Variants in GNAQ observed in about 807,000 individuals in gnomAD.
GNAQ encodes guanine nucleotide-binding protein G(q) subunit alpha.
A neutral mutation model predicts 43.9 loss-of-function variants in GNAQ; 8 were observed. The observed-to-expected ratio is 0.18, with a 90% CI of 0.11 to 0.33. The LOEUF is 0.33. Among genes scored for constraint, GNAQ ranks in the 10% least tolerant of loss-of-function variants. The pLI is 1.00. For synonymous variants in GNAQ, 155 were observed against 170.7 expected, an observed-to-expected ratio of 0.91 and a Z score of 0.71; for missense variants, 158 against 450.8, an observed-to-expected ratio of 0.35 and a Z score of 5.88.
chr9:77,886,664 T>C (rs952909597), intron 2 of GNAQ, among the ~76,000 whole-genome samples: 3 of 152,292 alleles, frequency 2.0e-5, no homozygotes, highest in South Asian at 2.1e-4. Context: ...ATAAACTTTA[T>C]TGTGAACTGA....
At chr9:78,005,075 A>T (rs775311351) in intron 1 of GNAQ, among the ~76,000 whole-genome samples, 1 of 152,182 alleles carries the variant, frequency 6.6e-6, no homozygotes, top group Non-Finnish European at 1.5e-5. Context: ...TTTCTGAGAC[A>T]GGCTCTTGCT....
intron 2 of GNAQ, among the ~76,000 whole-genome samples, chr9:77,899,679 GGAAAGACAGCAGAGGTCAGAGGC>G (rs1254926133): frequency 3.9e-5 from 6 of 152,126 alleles, no homozygotes; most frequent in Non-Finnish European, 5.9e-5. Flanking sequence ...CAGTGCAGGA[GGAAAGACAGCAGAGGTCAGAGGC>G]GAAAGACAGC....
chr9:78,026,293 C>G (rs1045268441), intron 1 of GNAQ, among the ~76,000 whole-genome samples: 1 of 152,120 alleles, frequency 6.6e-6, no homozygotes. Flanking sequence ...GATGAATCTA[C>G]GTAGTTCAAT....
chr9:78,008,619 C>CATTTCATTTCATTTTATTTT (rs1446644028), intron 1 of GNAQ, among the ~76,000 whole-genome samples: 1 of 102,968 alleles, frequency 9.7e-6, no homozygotes, highest in African/African-American at 4.6e-5. Context: ...CATTTCATTT[C>CATTTCATTTCATTTTATTTT]ATTTTATTTT....
chr9:77,732,063 G>A (rs761506463), intron 5 of GNAQ, among the ~76,000 whole-genome samples: 1 of 152,148 alleles, frequency 6.6e-6, no homozygotes, highest in African/African-American at 2.4e-5. Context: ...TGACTCATAA[G>A]GTAGTGGAAC....
At chr9:77,997,632 G>A (rs1823586027) in intron 1 of GNAQ, among the ~76,000 whole-genome samples, 1 of 152,102 alleles carries the variant, frequency 6.6e-6, no homozygotes, top group Non-Finnish European at 1.5e-5. Context: ...CTCTGTACAA[G>A]GGACCCAAGC....
intron 2 of GNAQ, among the ~76,000 whole-genome samples, chr9:77,839,442 T>C (rs1005239644): frequency 3.9e-5 from 6 of 152,228 alleles, no homozygotes; most frequent in African/African-American, 1.4e-4. Flanking sequence ...CTGGGCTAAG[T>C]ATACTGGGGA....
chr9:77,814,385 A>G (rs541238822), intron 3 of GNAQ, among the ~76,000 whole-genome samples: 1 of 152,294 alleles, frequency 6.6e-6, no homozygotes, highest in Admixed American at 6.5e-5. Flanking sequence ...GAAAGGAAGA[A>G]TGAAGAAAGC....
intron 5 of GNAQ, among the ~76,000 whole-genome samples, chr9:77,775,798 A>G (rs1416952165): frequency 6.6e-6 from 1 of 152,178 alleles, no homozygotes; most frequent in Non-Finnish European, 1.5e-5. Flanking sequence ...ATTTACTTTT[A>G]AAATTCAGTT....
chr9:77,933,633 C>T (rs1829186016), intron 1 of GNAQ, among the ~76,000 whole-genome samples: 1 of 111,694 alleles, frequency 9.0e-6, no homozygotes, highest in Non-Finnish European at 2.2e-5. Context: ...AGAGTACGAC[C>T]CTGTCTCAAA....
chr9:77,974,629 G>A (rs1420147993), intron 1 of GNAQ, among the ~76,000 whole-genome samples: 1 of 152,160 alleles, frequency 6.6e-6, no homozygotes, highest in Non-Finnish European at 1.5e-5. Flanking sequence ...ATAATGGCCT[G>A]CACTTTCAAC....
intron 1 of GNAQ, among the ~76,000 whole-genome samples, chr9:77,950,919 A>G (rs1255634267): frequency 6.6e-6 from 1 of 152,164 alleles, no homozygotes; most frequent in African/African-American, 2.4e-5. Flanking sequence ...TGTCATTGAA[A>G]ACATCTATAT....
intron 1 of GNAQ, among the ~76,000 whole-genome samples, chr9:77,936,780 T>C (rs1327608416): frequency 2.6e-5 from 4 of 152,198 alleles, no homozygotes; most frequent in Non-Finnish European, 5.9e-5. Context: ...ACGCTGACCC[T>C]AGAATGATTC....
intron 1 of GNAQ, among the ~76,000 whole-genome samples, chr9:77,970,071 T>C: frequency 6.6e-6 from 1 of 151,934 alleles, no homozygotes; most frequent in East Asian, 1.9e-4. Context: ...ACACAAAAAT[T>C]AGCCAGGTGC....
intron 5 of GNAQ, among the ~76,000 whole-genome samples, chr9:77,756,174 A>T (rs1028332053): frequency 7.2e-5 from 11 of 152,214 alleles, no homozygotes; most frequent in African/African-American, 1.2e-4. Flanking sequence ...CTCAGCTTGC[A>T]GGTGGCCTAC....
chr9:77,748,068 C>G (rs902656728), intron 5 of GNAQ, among the ~76,000 whole-genome samples: 3 of 152,162 alleles, frequency 2.0e-5, no homozygotes, highest in Non-Finnish European at 2.9e-5. Flanking sequence ...CCAAGGCCAC[C>G]TCTTGGGAAG....
intron 1 of GNAQ, among the ~76,000 whole-genome samples, chr9:78,016,660 C>A (rs1447134143): frequency 6.7e-6 from 1 of 149,050 alleles, no homozygotes; most frequent in Non-Finnish European, 1.5e-5. Flanking sequence ...CCGGCCTGGG[C>A]GACAGAGCAA....
At chr9:77,997,392 C>T (rs914519339) in intron 1 of GNAQ, among the ~76,000 whole-genome samples, 1 of 152,194 alleles carries the variant, frequency 6.6e-6, no homozygotes, top group Non-Finnish European at 1.5e-5. Context: ...GCTTAACTGC[C>T]GCTCTGTGAC....
At chr9:77,853,317 A>G (rs1285156401) in intron 2 of GNAQ, among the ~76,000 whole-genome samples, 2 of 152,208 alleles carry the variant, frequency 1.3e-5, no homozygotes, top group African/African-American at 4.8e-5. Flanking sequence ...ATATAAGAGT[A>G]GTTATCTCAA....
Sources: allele counts gnomAD v4.1 joint callset (sites outside exome capture counted in the v4.1 genomes callset), GRCh38; gene constraint gnomAD v4.1.1; transcripts MANE v1.5; gene names NCBI Gene and HGNC (gene_info 2026-07-23, HGNC 2026-07-21).